AGO3: variants seen among roughly 807,000 people sequenced by gnomAD.
AGO3 encodes protein argonaute-3.
In AGO3, 16 loss-of-function variants were observed where a neutral mutation model predicts 105.5. The observed-to-expected ratio is 0.15, with a 90% CI of 0.10 to 0.23. The LOEUF (loss-of-function observed/expected upper bound fraction) is 0.23, where lower values mean the gene tolerates loss of function less well. Ranked by LOEUF, AGO3 falls within the 10% of genes least tolerant of loss-of-function variation. The probability of loss-of-function intolerance (pLI) is 1.00; values close to 1 mark genes in which losing one functional copy is unlikely to be tolerated. For missense variants in AGO3, 534 were observed against 1,088.0 expected, an observed-to-expected ratio of 0.49 and a Z score of 7.16; for synonymous variants, 340 against 367.3, an observed-to-expected ratio of 0.93 and a Z score of 0.85.
chr1:35,974,428 T>G (rs561798732), intron 5 of AGO3, among the ~76,000 whole-genome samples: 14 of 152,196 alleles, frequency 9.2e-5, no homozygotes, highest in Non-Finnish European at 1.8e-4. Flanking sequence ...TGTTCAAATC[T>G]GATTTTGTCT....
At chr1:35,941,401 C>G (rs972839261) in intron 1 of AGO3, among the ~76,000 whole-genome samples, 1 of 151,862 alleles carries the variant, frequency 6.6e-6, no homozygotes, top group African/African-American at 2.4e-5. Flanking sequence ...TGGAGTGATA[C>G]TTAAAAAAAA....
At chr1:36,054,564 T>C (rs941301206) in intron 17 of AGO3, among the ~76,000 whole-genome samples, 3 of 152,100 alleles carry the variant, frequency 2.0e-5, no homozygotes, top group African/African-American at 7.2e-5. Context: ...TTTATGTGAC[T>C]TGGTATTAAA....
chr1:35,961,507 T>C (rs1646676324), intron 2 of AGO3, among the ~76,000 whole-genome samples: 3 of 152,206 alleles, frequency 2.0e-5, no homozygotes, highest in African/African-American at 7.2e-5. Flanking sequence ...CTACTCAGTT[T>C]TTCACATGAC....
At chr1:35,966,835 C>T in intron 2 of AGO3, 120 bp from the exon 3 acceptor site, 1 of 1,166,104 alleles carries the variant, frequency 8.6e-7, no homozygotes, top group Non-Finnish European at 1.1e-6. Context: ...AAATCTTTAT[C>T]ATATATGAAT....
chr1:35,931,508 T>G, intron 1 of AGO3, 63 bp downstream of exon 1: 2 of 1,340,674 alleles, frequency 1.5e-6, no homozygotes, highest in South Asian at 3.8e-5. Context: ...TGAGCATCCC[T>G]GCTCCTCCCG....
intron 5 of AGO3, among the ~76,000 whole-genome samples, chr1:35,997,583 A>C (rs1398984624): frequency 6.6e-6 from 1 of 152,166 alleles, no homozygotes; most frequent in Non-Finnish European, 1.5e-5. Flanking sequence ...AGGCCAAGCT[A>C]CCTATTGTGT....
At position 35,995,666 on chromosome 1, in the gene AGO3, C is replaced by T. The variant is rs77851163; in HGVS notation, c.659-8675C>T. ...ACAAAATGGGGAAAATATTCATGAT[C>T]TTGGACGAGGCAAAGATTTTTTTCT... On this transcript the variant is annotated intron_variant, in intron 5 of 18. Transcript: ENST00000373191. Among the ~76,000 whole-genome samples the T allele has an allele frequency of 7.3e-3, 1,110 of 152,228 alleles. 12 individuals carry two copies. The highest frequency in any genetic ancestry group is 0.025 in the African/African-American group (1,050 of 41,540).
At position 36,043,637 on chromosome 1, in the gene AGO3, T is replaced by TA. The variant is rs1320106436; in HGVS notation, c.2274+90dup. The TA allele has an allele frequency of 1.6e-5, 17 of 1,078,198 alleles. No individual in the cohort carries two copies. The East Asian group carries it at 4.2e-4, about 27-fold the overall frequency. 66.8% of individuals were successfully genotyped at this position (1,078,198 alleles called of 1,614,324 possible). A position where few individuals can be genotyped will look rare whatever the true frequency, so the allele number is the denominator to read the frequency against. ...AAATCTCAGAAAAAGGATAAAGAAATACTCTTTGCATTCCAAATTGTTTCC... is the reference window on the plus strand; with the variant it reads ...AAATCTCAGAAAAAGGATAAAGAAATAACTCTTTGCATTCCAAATTGTTTCC... On this transcript the variant is annotated intron_variant, in intron 17 of 18. Coordinates refer to ENST00000373191, the MANE Select transcript of AGO3 (RefSeq NM_024852.4).
Position 36,043,447 on chromosome 1 carries a change from G to A in AGO3, c.2173G>A (p.Val725Ile). 8 of 1,611,650 alleles carry A rather than the reference G, an allele frequency of 5.0e-6. No homozygotes were observed. Among genetic ancestry groups the A allele is most frequent in the Non-Finnish European group, 5.9e-6 (7 of 1,178,996 alleles). Residue 725 changes from valine to isoleucine, a missense_variant and splice_region_variant, in exon 17 of 19, where the codon GTT (valine) becomes ATT (isoleucine). Physicochemically the swap from Val to Ile is conservative, Grantham distance 29. Around this residue, in one of 2 missense-constraint regions of AGO3, gnomAD observed 373 missense variants for 854.0 expected, o/e 0.44. Transcript: ENST00000373191. ...TTAAACTTTAACCAAACAAATCTAG[G>A]TTGGAAGAAGTGGCAATATCCCAGC... ...RLFCADRTER[V>I]GRSGNIPAGT...
intron 5 of AGO3, among the ~76,000 whole-genome samples, chr1:35,994,771 A>G (rs1648112170): frequency 6.6e-6 from 1 of 152,226 alleles, no homozygotes; most frequent in Non-Finnish European, 1.5e-5. Flanking sequence ...AACATAAAAC[A>G]TAATTTTTAG....
In AGO3 at chr1:36,063,073, A is replaced by G. The variant is rs1314629490; in HGVS notation, c.*7328A>G. On this transcript the variant is annotated 3_prime_UTR_variant, in exon 19 of 19. Transcript: ENST00000373191. Reference sequence around the variant, plus strand: ...CTTTGTAATAGCAGCAAAGATTAAGATGGAGTGTTAATATACCAACCAAAC... The same window carrying G: ...CTTTGTAATAGCAGCAAAGATTAAGGTGGAGTGTTAATATACCAACCAAAC... 6.6e-6 allele frequency: 1 copy of G among 152,194 alleles called. No individual in the cohort carries two copies. The highest frequency in any genetic ancestry group is 2.4e-5 in the African/African-American group (1 of 41,446). 9.4% of individuals were successfully genotyped at this position (152,194 alleles called of 1,614,324 possible). A position where few individuals can be genotyped will look rare whatever the true frequency, so the allele number is the denominator to read the frequency against.
intron 5 of AGO3, among the ~76,000 whole-genome samples, chr1:35,990,437 G>A (rs1360029896): frequency 6.6e-6 from 1 of 152,194 alleles, no homozygotes; most frequent in Non-Finnish European, 1.5e-5. Flanking sequence ...GAACCCGGGA[G>A]GCGGAGCTTG....
At position 36,040,324 on chromosome 1, in the gene AGO3, A is replaced by G. The variant is rs772487568; in HGVS notation, c.2055A>G (p.Leu685=). ...TTCTCTAGGTATTATATTATGAACT[A>G]CTAGCAATTCGAGAAGCCTGCATCA... is the stretch of plus-strand genomic sequence containing the variant. The part of the protein sequence containing the change: ...GQFRQVLYYE[L]LAIREACISL... The change falls in exon 16 of 19, where the codon CTA becomes CTG. Residue 685 remains leucine, a synonymous_variant. Coordinates refer to ENST00000373191, the MANE Select transcript of AGO3 (RefSeq NM_024852.4). 1.2e-5 allele frequency: 19 copies of G among 1,613,436 alleles called. No homozygotes were observed. Among genetic ancestry groups the G allele is most frequent in the Middle Eastern group, 1.7e-4 (1 of 6,058 alleles).
chr1:36,036,032 CA>C (rs11312730), intron 13 of AGO3, 144 bp from the exon 14 acceptor site: 183,339 of 351,582 alleles, frequency 0.52, 30,242 homozygotes, highest in African/African-American at 0.71. Flanking sequence ...GACTCCGTCT[CA>C]AAAAAAAAAA....
intron 5 of AGO3, among the ~76,000 whole-genome samples, chr1:35,979,439 A>G (rs1162213513): frequency 6.6e-6 from 1 of 152,034 alleles, no homozygotes; most frequent in Non-Finnish European, 1.5e-5. Context: ...TATACGGTCA[A>G]TTTTTGTGAT....
intron 1 of AGO3, among the ~76,000 whole-genome samples, chr1:35,934,917 ACAAT>A (rs1427628558): frequency 6.6e-6 from 1 of 152,104 alleles, no homozygotes; most frequent in Non-Finnish European, 1.5e-5. Context: ...CTCCCAGAAA[ACAAT>A]CTTCTTTAAT....
intron 1 of AGO3, 30 bp from the exon 2 acceptor site, chr1:35,945,662 G>A: frequency 6.2e-7 from 1 of 1,605,088 alleles, no homozygotes; most frequent in Non-Finnish European, 8.5e-7. Context: ...TTGTAACTGT[G>A]ACTCTTTTTT....
intron 6 of AGO3, among the ~76,000 whole-genome samples, chr1:36,005,317 A>G (rs1433910437): frequency 6.6e-6 from 1 of 152,290 alleles, no homozygotes; most frequent in South Asian, 2.1e-4. Context: ...GTTCCCCCAA[A>G]TCAATTAGAG....
rs1643084475 is a variant in AGO3, at chr1:36,065,788, G to A, written c.*10043G>A. On this transcript the variant is annotated 3_prime_UTR_variant, in exon 19 of 19. Transcript: ENST00000373191. The stretch of plus-strand genomic sequence containing the variant: ...GTGAAGTACTTGATGGCTTGTTCAT[G>A]TTTAGTTCACCTCTTTAGAAAGAAA... 3 of 152,310 alleles carry A rather than the reference G, an allele frequency of 2.0e-5. No homozygotes were observed. The highest frequency in any genetic ancestry group is 7.2e-5 in the African/African-American group (3 of 41,414). The allele number at this position is 152,310 out of a possible 1,614,324, so 9.4% of individuals were successfully genotyped here. A position where few individuals can be genotyped will look rare whatever the true frequency, so the allele number is the denominator to read the frequency against.
Sources: gnomAD v4.1 joint callset for allele counts (sites outside exome capture counted in the v4.1 genomes callset) on GRCh38, gnomAD v4.1.1 for gene constraint, gnomAD v4.1.1 regional missense constraint, MANE v1.5 for transcripts, NCBI Gene and HGNC (gene_info 2026-07-23, HGNC 2026-07-21) for gene names.